Variants in DOCK8 observed in about 807,000 individuals in gnomAD.
DOCK8 encodes the protein dedicator of cytokinesis protein 8.
Under a neutral mutation model 245.6 loss-of-function variants are expected in DOCK8, and 141 were observed. That is an observed-to-expected ratio of 0.57 (90% CI 0.50 to 0.66). DOCK8 has a LOEUF of 0.66. Among genes scored for constraint, DOCK8 ranks in the 30% least tolerant of loss-of-function variants. DOCK8 has a pLI of 0.00. For synonymous variants in DOCK8, 1,168 were observed against 970.2 expected (o/e 1.20, Z -3.79); for missense variants, 2,965 against 2,603.4 (o/e 1.14, Z -3.02).
intron 26 of DOCK8, among the ~76,000 whole-genome samples, chr9:403,209 A>T (rs899126686): frequency 5.9e-5 from 9 of 152,194 alleles, no homozygotes; most frequent in Admixed American, 2.6e-4. Flanking sequence ...GTCTTGAATG[A>T]TGTCTCAAGG....
intron 14 of DOCK8, among the ~76,000 whole-genome samples, chr9:364,090 G>A (rs1158049835): frequency 1.3e-5 from 2 of 152,112 alleles, no homozygotes; most frequent in East Asian, 3.8e-4. Context: ...TCTTCCAAAA[G>A]TATCTGCACT....
At chr9:212,514 C>G (rs903484223), upstream of DOCK8, among the ~76,000 whole-genome samples, 1 of 152,196 alleles carries the variant, frequency 6.6e-6, no homozygotes, top group East Asian at 1.9e-4. Context: ...AAGAAAGGCA[C>G]TTGGATGGCT....
At position 443,483 on chromosome 9, in the gene DOCK8, T is replaced by G. The variant is rs747160549; in HGVS notation, c.5547T>G (p.Thr1849=). 1.2e-6 allele frequency: 2 copies of G among 1,614,098 alleles called. No homozygotes were observed. The highest frequency in any genetic ancestry group is 1.7e-6 in the Non-Finnish European group (2 of 1,179,994). ...AEFVEVIKDS[T]PVDKTKLDPN... is the part of the protein sequence containing the mutation. ...TTGTGGAAGTGATTAAAGACTCCAC[T>G]CCTGTGGACAAAACCAAGTTGGATC... Residue 1849 remains threonine, a synonymous_variant, in exon 43 of 48, where the codon ACT becomes ACG. Coordinates refer to ENST00000432829, the MANE Select transcript of DOCK8 (RefSeq NM_203447.4).
chr9:409,994 C>T (rs1039655063), intron 28 of DOCK8, among the ~76,000 whole-genome samples: 8 of 152,096 alleles, frequency 5.3e-5, no homozygotes, highest in South Asian at 2.1e-4. Context: ...TGAATAGTGC[C>T]GCAATAAAAG....
chr9:415,483 C>G (rs1256351828), intron 29 of DOCK8, among the ~76,000 whole-genome samples: 1 of 151,992 alleles, frequency 6.6e-6, no homozygotes, highest in African/African-American at 2.4e-5. Flanking sequence ...GTTAATATGT[C>G]TAGATTAGCA....
At chr9:378,627 T>G (rs2053613738) in intron 20 of DOCK8, among the ~76,000 whole-genome samples, 1 of 152,236 alleles carries the variant, frequency 6.6e-6, no homozygotes, top group South Asian at 2.1e-4. Context: ...TGTGGCACAC[T>G]GCTTTGTATG....
intron 27 of DOCK8, among the ~76,000 whole-genome samples, chr9:406,655 C>T (rs898298629): frequency 2.0e-5 from 3 of 152,034 alleles, no homozygotes; most frequent in Non-Finnish European, 2.9e-5. Context: ...CTTTTGATTT[C>T]AGGTGGGAAA....
At chr9:371,141 G>A (rs1053934602) in intron 16 of DOCK8, among the ~76,000 whole-genome samples, 1 of 152,082 alleles carries the variant, frequency 6.6e-6, no homozygotes, top group Non-Finnish European at 1.5e-5. Context: ...TTCAAATTAA[G>A]TTGTTGGAGT....
At chr9:389,682 G>T (rs1388845527) in intron 23 of DOCK8, among the ~76,000 whole-genome samples, 4 of 151,988 alleles carry the variant, frequency 2.6e-5, no homozygotes. Flanking sequence ...CTGGGGGTGG[G>T]GCCCCCCAGT....
chr9:393,985 T>C (rs769711816), intron 24 of DOCK8, among the ~76,000 whole-genome samples: 19 of 152,124 alleles, frequency 1.2e-4, no homozygotes, highest in African/African-American at 1.9e-4. Flanking sequence ...GCAGAGTAAC[T>C]GGGGCCTAGA....
chr9:298,172 C>T (rs2049347331), intron 4 of DOCK8, among the ~76,000 whole-genome samples: 1 of 152,170 alleles, frequency 6.6e-6, no homozygotes. Flanking sequence ...TGCCTGTAAT[C>T]GCAGCACTTT....
chr9:419,058 T>A (rs900007323), intron 30 of DOCK8, among the ~76,000 whole-genome samples: 4 of 152,162 alleles, frequency 2.6e-5, no homozygotes, highest in African/African-American at 9.7e-5. Flanking sequence ...TCTGATTCAG[T>A]TGAGGTGGGA....
intron 39 of DOCK8, among the ~76,000 whole-genome samples, chr9:438,050 G>A (rs192479768): frequency 6.6e-6 from 1 of 152,354 alleles, no homozygotes; most frequent in East Asian, 1.9e-4. Flanking sequence ...CATAGGGCAG[G>A]TTTGGAAGAA....
chr9:376,285 G>T lies in DOCK8; in HGVS notation c.2185G>T (p.Val729Phe). The T allele has an allele frequency of 6.2e-7, 1 of 1,612,320 alleles. No homozygotes were observed. The highest frequency in any genetic ancestry group is 8.5e-7 in the Non-Finnish European group (1 of 1,178,440). Residue 729 changes from valine to phenylalanine, a missense_variant, in exon 19 of 48, where the codon GTT becomes TTT. Transcript: ENST00000432829. ...KGVFNIEVQA[V>F]SSVHTQDNHL... ...AGTATTTAATATTGAAGTGCAAGCTGTTTCTTCTGTACACACCCAGGTAAG... is the reference window on the plus strand; with the variant it reads ...AGTATTTAATATTGAAGTGCAAGCTTTTTCTTCTGTACACACCCAGGTAAG...
intron 29 of DOCK8, 37 bp downstream of exon 29, chr9:414,988 G>A: frequency 2.5e-6 from 4 of 1,611,432 alleles, no homozygotes; most frequent in Non-Finnish European, 3.4e-6. Flanking sequence ...GGATTGTTGG[G>A]GGCCCCTGCC....
intron 1 of DOCK8, among the ~76,000 whole-genome samples, chr9:244,006 A>G (rs2047442555): frequency 6.6e-6 from 1 of 151,920 alleles, no homozygotes; most frequent in Non-Finnish European, 1.5e-5. Flanking sequence ...AACATGGTGA[A>G]ACCCCGTCTC....
intron 45 of DOCK8, 24 bp from the exon 46 acceptor site, chr9:451,967 ATATATATATATTTTTTTTTT>A (rs2057467232): frequency 2.9e-5 from 11 of 384,488 alleles, no homozygotes; most frequent in African/African-American, 2.7e-4. Context: ...ATATATATAT[ATATATATATATTTTTTTTTT>A]TTTTTTTTTT....
chr9:343,310 T>G (rs968529715), intron 14 of DOCK8, among the ~76,000 whole-genome samples: 1 of 151,914 alleles, frequency 6.6e-6, no homozygotes, highest in East Asian at 1.9e-4. Flanking sequence ...CCGGGCAACA[T>G]AGTGAGACCC....
intron 1 of DOCK8, among the ~76,000 whole-genome samples, chr9:232,092 G>A (rs9697025): frequency 6.6e-6 from 1 of 152,128 alleles, no homozygotes; most frequent in Admixed American, 6.5e-5. Flanking sequence ...TTTATTGAGA[G>A]TTTTTAGCAT....
Sources: allele counts gnomAD v4.1 joint callset (sites outside exome capture counted in the v4.1 genomes callset), GRCh38; gene constraint gnomAD v4.1.1; transcripts MANE v1.5; gene names NCBI Gene and HGNC (gene_info 2026-07-23, HGNC 2026-07-21).